The following PDE1C variants were observed in gnomAD, a reference collection of about 807,000 sequenced individuals.
PDE1C encodes the protein phosphodiesterase 1C.
PDE1C carries 62 observed loss-of-function variants against 93.1 expected under a neutral mutation model. The observed-to-expected ratio is 0.67, with a 90% CI of 0.54 to 0.82. The LOEUF (loss-of-function observed/expected upper bound fraction) is 0.82. Among genes scored for constraint, PDE1C ranks in the 40% least tolerant of loss-of-function variants. PDE1C has a pLI of 0.00. For synonymous variants in PDE1C, 325 were observed against 310.1 expected (o/e 1.05, Z -0.50); for missense variants, 742 against 884.6 (o/e 0.84, Z 2.04).
At chr7:31,766,886 T>C (rs528081783) in intron 17 of PDE1C, among the ~76,000 whole-genome samples, 4 of 152,352 alleles carry the variant, frequency 2.6e-5, no homozygotes, top group African/African-American at 9.6e-5. Context: ...GGTTTTCAAA[T>C]AACTAGCTTT....
intron 2 of PDE1C, among the ~76,000 whole-genome samples, chr7:31,936,942 A>G (rs1584071545): frequency 1.3e-5 from 2 of 152,180 alleles, no homozygotes; most frequent in African/African-American, 4.8e-5. Context: ...TTACAGGTAA[A>G]GACATACGTC....
intron 11 of PDE1C, among the ~76,000 whole-genome samples, chr7:31,832,784 A>G (rs1790575637): frequency 6.6e-6 from 1 of 152,246 alleles, no homozygotes; most frequent in East Asian, 1.9e-4. Flanking sequence ...GCACATTTTT[A>G]TTCGAGTATA....
At chr7:31,702,118 A>G in the PDE1C span, among the ~76,000 whole-genome samples, 2 of 151,966 alleles carry the variant, frequency 1.3e-5, no homozygotes, top group African/African-American at 4.8e-5. Context: ...TAGTCTTATT[A>G]GTTTAGTCAT....
At chr7:31,810,101 T>C (rs1415876550) in intron 15 of PDE1C, among the ~76,000 whole-genome samples, 2 of 152,148 alleles carry the variant, frequency 1.3e-5, no homozygotes, top group East Asian at 1.9e-4. Flanking sequence ...TTCTTTACAG[T>C]ATAACAGTGC....
At chr7:31,876,336 G>C (rs967433593) in intron 5 of PDE1C, among the ~76,000 whole-genome samples, 1 of 152,110 alleles carries the variant, frequency 6.6e-6, no homozygotes, top group Non-Finnish European at 1.5e-5. Flanking sequence ...AATAATCTAA[G>C]TACCTGTCCC....
intron 3 of PDE1C, among the ~76,000 whole-genome samples, chr7:32,153,223 G>A (rs1229178375): frequency 2.6e-5 from 4 of 152,010 alleles, no homozygotes; most frequent in Admixed American, 6.6e-5. Flanking sequence ...ACAACATAAG[G>A]GACATTTGGT....
chr7:31,955,473 A>G (rs1446238648), intron 2 of PDE1C, among the ~76,000 whole-genome samples: 1 of 152,226 alleles, frequency 6.6e-6, no homozygotes, highest in East Asian at 1.9e-4. Context: ...CTAATCTTAT[A>G]AAGAACTTAA....
intron 2 of PDE1C, among the ~76,000 whole-genome samples, chr7:31,946,785 A>C (rs1021215983): frequency 1.3e-5 from 2 of 151,924 alleles, no homozygotes; most frequent in African/African-American, 4.8e-5. Context: ...TTTTGACTCC[A>C]CCGGACTTTG....
chr7:31,686,523 C>G, the PDE1C span, among the ~76,000 whole-genome samples: 2 of 152,224 alleles, frequency 1.3e-5, no homozygotes, highest in South Asian at 2.1e-4. Context: ...TTGAAATGCT[C>G]TCTTTGCTGA....
At chr7:32,055,317 C>T (rs1302419367) in intron 1 of PDE1C, among the ~76,000 whole-genome samples, 1 of 152,130 alleles carries the variant, frequency 6.6e-6, no homozygotes, top group Non-Finnish European at 1.5e-5. Flanking sequence ...ATTTGTTGAG[C>T]ACCTCCTCTG....
intron 1 of PDE1C, among the ~76,000 whole-genome samples, chr7:32,341,397 G>A (rs1438396116): frequency 6.6e-6 from 1 of 150,538 alleles, no homozygotes; most frequent in East Asian, 2.0e-4. Flanking sequence ...GGATGGTCTC[G>A]ATCTCCTGAC....
chr7:31,834,239 T>C (rs1790778008), intron 11 of PDE1C, among the ~76,000 whole-genome samples: 1 of 152,192 alleles, frequency 6.6e-6, no homozygotes, highest in South Asian at 2.1e-4. Flanking sequence ...ATGGATAACC[T>C]CTGCTATGGT....
At chr7:32,345,062 T>C (rs1259061826) in intron 1 of PDE1C, among the ~76,000 whole-genome samples, 1 of 152,176 alleles carries the variant, frequency 6.6e-6, no homozygotes, top group Non-Finnish European at 1.5e-5. Flanking sequence ...TAGCACTTCA[T>C]CCTCAAACCA....
intron 3 of PDE1C, among the ~76,000 whole-genome samples, chr7:32,139,381 C>T (rs573014910): frequency 1.5e-5 from 2 of 132,570 alleles, no homozygotes; most frequent in East Asian, 4.6e-4. Flanking sequence ...ATTCTTTAGA[C>T]ATGATTTAGT....
intron 2 of PDE1C, among the ~76,000 whole-genome samples, chr7:31,925,922 C>G (rs1278860010): frequency 6.6e-6 from 1 of 152,170 alleles, no homozygotes; most frequent in Non-Finnish European, 1.5e-5. Context: ...ACCCCGATTT[C>G]CATGTATGCA....
chr7:32,048,229 T>A lies in PDE1C; in HGVS notation c.128+3325A>T, dbSNP rs1179602023. Among the ~76,000 whole-genome samples, 83 of 152,318 alleles carry A rather than the reference T, an allele frequency of 5.4e-4. 2 individuals are homozygous for A. Among genetic ancestry groups the A allele is most frequent in the Admixed American group, 5.4e-3 (82 of 15,300 alleles). On this transcript the variant is annotated intron_variant, in intron 2 of 17. Coordinates refer to ENST00000396191, the MANE Select transcript of PDE1C (RefSeq NM_001191057.4). ...AGATTAAACAAGGCTGGAAATTTTT[T>A]AAAACACTTCTTTTATCAAGAGATT...
At chr7:31,709,349 C>A in the PDE1C span, among the ~76,000 whole-genome samples, 1 of 152,216 alleles carries the variant, frequency 6.6e-6, no homozygotes, top group Admixed American at 6.5e-5. Flanking sequence ...ATAATTCTTA[C>A]TTTGCCTTGT....
At chr7:31,664,242 T>C in the PDE1C span, among the ~76,000 whole-genome samples, 1 of 152,278 alleles carries the variant, frequency 6.6e-6, no homozygotes, top group Non-Finnish European at 1.5e-5. Flanking sequence ...GAAACCCATG[T>C]TTTTCTAGCT....
chr7:31,901,287 T>C (rs1799951391), intron 2 of PDE1C, among the ~76,000 whole-genome samples: 1 of 151,284 alleles, frequency 6.6e-6, no homozygotes, highest in Admixed American at 6.6e-5. Flanking sequence ...TAATGAAATA[T>C]TATATAGTAA....
Sources: allele counts gnomAD v4.1 joint callset (sites outside exome capture counted in the v4.1 genomes callset), GRCh38; gene constraint gnomAD v4.1.1; transcripts MANE v1.5; gene names NCBI Gene and HGNC (gene_info 2026-07-23, HGNC 2026-07-21).